The following ROBO2 variants were observed in gnomAD, a reference collection of about 807,000 sequenced individuals.
ROBO2 encodes the protein roundabout guidance receptor 2, also known as roundabout homolog 2.
In ROBO2, 53 loss-of-function variants were observed where a neutral mutation model predicts 160.8. The ratio of observed to expected loss-of-function variants is 0.33; its 90% CI spans 0.26 to 0.41. ROBO2 has a LOEUF of 0.41. Among genes scored for constraint, ROBO2 ranks in the 10% least tolerant of loss-of-function variants. The probability of loss-of-function intolerance (pLI) is 1.00; values close to 1 mark genes in which losing one functional copy is unlikely to be tolerated. For missense variants in ROBO2, 1,577 were observed against 1,722.4 expected (o/e 0.92, Z 1.49); for synonymous variants, 664 against 611.7 (o/e 1.09, Z -1.26).
intron 2 of ROBO2, among the ~76,000 whole-genome samples, chr3:77,301,367 A>C (rs1301042785): frequency 6.6e-6 from 1 of 152,172 alleles, no homozygotes; most frequent in Admixed American, 6.5e-5. Flanking sequence ...ATAATATAAT[A>C]AATTGCATTG....
At chr3:76,861,005 T>A (rs1054691707) in intron 2 of ROBO2, among the ~76,000 whole-genome samples, 2 of 152,144 alleles carry the variant, frequency 1.3e-5, no homozygotes, top group Admixed American at 6.6e-5. Flanking sequence ...CTAAGATGAC[T>A]CTCAGCAAGC....
At chr3:77,356,370 A>G (rs1459484325) in intron 2 of ROBO2, among the ~76,000 whole-genome samples, 1 of 152,134 alleles carries the variant, frequency 6.6e-6, no homozygotes, top group Non-Finnish European at 1.5e-5. Context: ...ACAGAAAGAA[A>G]GAAGGGAAGG....
chr3:77,112,091 T>C (rs1270697800), intron 2 of ROBO2, among the ~76,000 whole-genome samples: 1 of 148,862 alleles, frequency 6.7e-6, no homozygotes, highest in African/African-American at 2.5e-5. Context: ...TGCTCACCTG[T>C]AGTCCCAGCT....
At chr3:77,299,960 A>G (rs771538278) in intron 2 of ROBO2, among the ~76,000 whole-genome samples, 3 of 152,080 alleles carry the variant, frequency 2.0e-5, no homozygotes, top group Admixed American at 2.0e-4. Context: ...TATGGGATTC[A>G]AATGTTTCCG....
At chr3:75,970,045 T>A (rs578232543) in intron 2 of ROBO2, among the ~76,000 whole-genome samples, 1 of 151,652 alleles carries the variant, frequency 6.6e-6, no homozygotes, top group African/African-American at 2.4e-5. Context: ...TTAATCCACC[T>A]TGAGTTGGTT....
chr3:76,697,965 G>C (rs1164152661), intron 2 of ROBO2, among the ~76,000 whole-genome samples: 1 of 152,070 alleles, frequency 6.6e-6, no homozygotes, highest in Non-Finnish European at 1.5e-5. Context: ...TTATTCATTG[G>C]TTGGAAGAAC....
chr3:76,102,323 C>A (rs934045059), intron 2 of ROBO2, among the ~76,000 whole-genome samples: 2 of 152,086 alleles, frequency 1.3e-5, no homozygotes, highest in South Asian at 2.1e-4. Flanking sequence ...TTATTAGTTT[C>A]TTTTTATATT....
intron 2 of ROBO2, among the ~76,000 whole-genome samples, chr3:76,097,042 A>C (rs2069481566): frequency 6.6e-6 from 1 of 152,124 alleles, no homozygotes; most frequent in South Asian, 2.1e-4. Flanking sequence ...TACATTACTC[A>C]GCAACATTAT....
chr3:76,338,868 A>G (rs1385825854), intron 2 of ROBO2, among the ~76,000 whole-genome samples: 3 of 151,988 alleles, frequency 2.0e-5, no homozygotes, highest in Non-Finnish European at 4.4e-5. Flanking sequence ...AATTTAAGAA[A>G]ATATTTTAGA....
intron 2 of ROBO2, among the ~76,000 whole-genome samples, chr3:76,222,333 T>C (rs528984828): frequency 6.6e-6 from 1 of 152,136 alleles, no homozygotes; most frequent in East Asian, 1.9e-4. Flanking sequence ...TTAAAAAGCC[T>C]TAGAGCAGGA....
At chr3:76,483,602 A>G (rs2079327399) in intron 2 of ROBO2, among the ~76,000 whole-genome samples, 2 of 152,162 alleles carry the variant, frequency 1.3e-5, no homozygotes, top group South Asian at 4.1e-4. Flanking sequence ...AGTTACTCTA[A>G]TTCATTCAGG....
At chr3:76,241,423 G>A (rs1002600495) in intron 2 of ROBO2, among the ~76,000 whole-genome samples, 5 of 152,336 alleles carry the variant, frequency 3.3e-5, no homozygotes, top group East Asian at 1.9e-4. Flanking sequence ...CTGTTTTAGC[G>A]CAGAAGATAT....
intron 2 of ROBO2, among the ~76,000 whole-genome samples, chr3:76,509,163 T>C (rs2080951399): frequency 6.6e-6 from 1 of 152,172 alleles, no homozygotes; most frequent in South Asian, 2.1e-4. Flanking sequence ...AAAGGTAGTT[T>C]TTCTAGTAAA....
intron 2 of ROBO2, among the ~76,000 whole-genome samples, chr3:76,390,017 T>G (rs1252490928): frequency 6.6e-6 from 1 of 152,166 alleles, no homozygotes; most frequent in Admixed American, 6.5e-5. Context: ...GGTTAGCAAA[T>G]TTCTGCCAAT....
intron 2 of ROBO2, among the ~76,000 whole-genome samples, chr3:77,422,409 C>A (rs2153533387): frequency 6.6e-6 from 1 of 152,228 alleles, no homozygotes; most frequent in East Asian, 1.9e-4. Flanking sequence ...GTTATCTTTG[C>A]ATCCCAGACG....
chr3:76,167,251 A>G (rs2072871310), intron 2 of ROBO2, among the ~76,000 whole-genome samples: 1 of 152,050 alleles, frequency 6.6e-6, no homozygotes, highest in Non-Finnish European at 1.5e-5. Flanking sequence ...TTACACTTGA[A>G]TTTTATTGAA....
At chr3:75,907,316 C>T (rs1035197432) in intron 1 of ROBO2, among the ~76,000 whole-genome samples, 5 of 152,016 alleles carry the variant, frequency 3.3e-5, no homozygotes, top group African/African-American at 1.2e-4. Context: ...CCCAATTTTC[C>T]AAGCCAAGGA....
upstream of ROBO2, among the ~76,000 whole-genome samples, chr3:77,036,024 A>T (rs981377518): frequency 6.6e-6 from 1 of 151,622 alleles, no homozygotes; most frequent in Non-Finnish European, 1.5e-5. Flanking sequence ...TCTTAAATTG[A>T]TCAGAGTAAT....
intron 2 of ROBO2, chr3:76,311,293 A>G (rs2071569174): frequency 6.6e-6 from 1 of 152,182 alleles, no homozygotes. Context: ...TGGAAATGTT[A>G]TCATCAGAGA....
Sources: allele counts gnomAD v4.1 joint callset (sites outside exome capture counted in the v4.1 genomes callset), GRCh38; gene constraint gnomAD v4.1.1; transcripts MANE v1.5; gene names NCBI Gene and HGNC (gene_info 2026-07-23, HGNC 2026-07-21).